Variants in PCGF6 observed in about 807,000 individuals in gnomAD.
The protein encoded by PCGF6 is polycomb group ring finger 6.
Under a neutral mutation model 45.5 loss-of-function variants are expected in PCGF6, and 24 were observed. That is an observed-to-expected ratio of 0.53 (90% CI 0.38 to 0.74). The LOEUF is 0.74. Ranked by LOEUF, PCGF6 falls within the 30% of genes least tolerant of loss-of-function variation. The pLI is 0.00. For missense variants in PCGF6, 356 were observed against 443.2 expected (o/e 0.80, Z 1.77); for synonymous variants, 152 against 162.1 (o/e 0.94, Z 0.47).
chr10:103,325,059 C>CG (rs1237398458), intron 8 of PCGF6, among the ~76,000 whole-genome samples: 2 of 151,132 alleles, frequency 1.3e-5, no homozygotes, highest in Non-Finnish European at 2.9e-5. Flanking sequence ...CGCCTGAACC[C>CG]GGGGGGCGGA....
intron 9 of PCGF6, 60 bp from the exon 10 acceptor site, chr10:103,304,021 T>C: frequency 1.4e-6 from 2 of 1,409,200 alleles, no homozygotes; most frequent in Non-Finnish European, 2.0e-6. Flanking sequence ...ATGCAAATGA[T>C]CAAGTCAAAG....
intron 6 of PCGF6, among the ~76,000 whole-genome samples, chr10:103,339,810 A>AAACACACAC (rs1554865094): frequency 3.1e-5 from 1 of 32,242 alleles, no homozygotes; most frequent in Non-Finnish European, 7.0e-5. Flanking sequence ...TCAAAAAAAA[A>AAACACACAC]ACACACACAC....
At chr10:103,348,123 A>C (rs1277975404) in intron 3 of PCGF6, among the ~76,000 whole-genome samples, 2 of 152,170 alleles carry the variant, frequency 1.3e-5, no homozygotes, top group Non-Finnish European at 2.9e-5. Context: ...CTAAAAAAAC[A>C]GAATTTGGAA....
intron 8 of PCGF6, 144 bp downstream of exon 8, chr10:103,326,388 CAA>C (rs371726949): frequency 0.03 from 7,055 of 235,122 alleles, no homozygotes; most frequent in South Asian, 0.041. Flanking sequence ...GACTCCATCT[CAA>C]AAAAAAAAAA....
At chr10:103,348,037 A>G (rs967545974) in intron 3 of PCGF6, among the ~76,000 whole-genome samples, 2 of 152,188 alleles carry the variant, frequency 1.3e-5, no homozygotes, top group African/African-American at 4.8e-5. Context: ...ATGAACTGGA[A>G]ATTTGAATAA....
chr10:103,323,308 T>C (rs2093204541), intron 8 of PCGF6, among the ~76,000 whole-genome samples: 1 of 152,192 alleles, frequency 6.6e-6, no homozygotes, highest in African/African-American at 2.4e-5. Flanking sequence ...AGTCACTTTT[T>C]TTTTTGAGTT....
intron 9 of PCGF6, among the ~76,000 whole-genome samples, chr10:103,309,533 A>T (rs2093149256): frequency 6.6e-6 from 1 of 152,184 alleles, no homozygotes; most frequent in African/African-American, 2.4e-5. Flanking sequence ...TGAGACAATT[A>T]AATCTGTTTT....
At chr10:103,312,888 G>C (rs1470110505) in intron 9 of PCGF6, among the ~76,000 whole-genome samples, 1 of 152,112 alleles carries the variant, frequency 6.6e-6, no homozygotes, top group Non-Finnish European at 1.5e-5. Context: ...GTGAACCCGG[G>C]AGGCGGAGCT....
rs201702163 is a variant in PCGF6 at position 103,350,983 on chromosome 10, A to C, written c.84T>G (p.Pro28=). The change falls in exon 1 of 10, where the codon CCT becomes CCG. Residue 28 remains proline (P), a synonymous_variant. Coordinates refer to ENST00000369847, the MANE Select transcript of PCGF6 (RefSeq NM_001011663.2). ...CAGGGGTGAGGGCGGGCGGGGAGAC[A>C]GGAGGCGGAGGCGGCAAGGCTGCAG... ...EGAAALPPPP[P]VSPPALTPAP... is the part of the protein sequence containing the mutation. 163 of 1,410,812 alleles carry C rather than the reference A, an allele frequency of 1.2e-4. No homozygotes were observed. Among genetic ancestry groups the C allele is most frequent in the Non-Finnish European group, 1.4e-4 (154 of 1,083,282 alleles). 87.4% of individuals were successfully genotyped at this position (1,410,812 alleles called of 1,614,324 possible). A position where few individuals can be genotyped will look rare whatever the true frequency, so the allele number is the denominator to read the frequency against.
At chr10:103,332,627 G>T (rs2093244063) in intron 7 of PCGF6, among the ~76,000 whole-genome samples, 1 of 152,070 alleles carries the variant, frequency 6.6e-6, no homozygotes, top group South Asian at 2.1e-4. Context: ...TTAAAACTCT[G>T]TTGGACTGAC....
intron 8 of PCGF6, among the ~76,000 whole-genome samples, chr10:103,314,954 T>TAAAAAAAAAA (rs60182387): frequency 1.7e-5 from 1 of 57,182 alleles, no homozygotes; most frequent in Non-Finnish European, 2.9e-5. Flanking sequence ...GACTCTGTCA[T>TAAAAAAAAAA]AAAAAAAAAA....
chr10:103,345,259 T>C, intron 5 of PCGF6, 127 bp from the exon 6 acceptor site: 1 of 661,464 alleles, frequency 1.5e-6, no homozygotes, highest in South Asian at 2.1e-5. Flanking sequence ...TCAATCTCCC[T>C]GTCTTTAATG....
intron 1 of PCGF6, among the ~76,000 whole-genome samples, chr10:103,350,421 C>T (rs866698062): frequency 6.6e-6 from 1 of 152,156 alleles, no homozygotes; most frequent in South Asian, 2.1e-4. Context: ...CCTGGGAGAC[C>T]CTGTCTCAAA....
intron 6 of PCGF6, among the ~76,000 whole-genome samples, chr10:103,342,739 C>G (rs1163368031): frequency 6.6e-6 from 1 of 152,168 alleles, no homozygotes; most frequent in East Asian, 1.9e-4. Context: ...AGTGCATACT[C>G]ATGTATGGGT....
At position 103,339,807 on chromosome 10, in the gene PCGF6, AAAAACACACACACACACACAC is replaced by A. The variant is rs1374832451; in HGVS notation, c.782+5196_782+5216del. 1.2e-3 allele frequency among the ~76,000 whole-genome samples: 54 copies of A among 45,170 alleles called. No homozygotes were observed. The East Asian group carries it at 0.043, about 36-fold the overall frequency. The allele number at this position is 45,170 out of a possible 152,430, so 29.6% of individuals were successfully genotyped here. Reference sequence around the variant, plus strand: ...AGCGAAATTCTGTCTGTCTCAAAAAAAAAACACACACACACACACACACACACACACACACACACACACACA... The same window carrying A: ...AGCGAAATTCTGTCTGTCTCAAAAAAACACACACACACACACACACACACA... On this transcript the variant is annotated intron_variant, in intron 6 of 9. Coordinates refer to ENST00000369847, the MANE Select transcript of PCGF6 (RefSeq NM_001011663.2).
At chr10:103,331,947 C>G (rs939190323) in intron 7 of PCGF6, among the ~76,000 whole-genome samples, 1 of 152,194 alleles carries the variant, frequency 6.6e-6, no homozygotes, top group Non-Finnish European at 1.5e-5. Context: ...CACGCGCCAC[C>G]GCGCCTGGCT....
chr10:103,314,054 TTAAATA>T (rs1456075981), intron 9 of PCGF6, 126 bp downstream of exon 9: 1 of 394,392 alleles, frequency 2.5e-6, no homozygotes, highest in East Asian at 4.0e-5. Context: ...TTGATAAATA[TTAAATA>T]TAATTATTAT....
chr10:103,305,373 C>T (rs1426454021), intron 9 of PCGF6, among the ~76,000 whole-genome samples: 4 of 151,896 alleles, frequency 2.6e-5, no homozygotes. Context: ...CGGGTTCAAG[C>T]GATTCTCCTG....
At chr10:103,316,981 AT>A (rs1337681018) in intron 8 of PCGF6, among the ~76,000 whole-genome samples, 10 of 152,054 alleles carry the variant, frequency 6.6e-5, no homozygotes, top group Admixed American at 1.3e-4. Flanking sequence ...AAGTTAAAGA[AT>A]TTGGTACCAT....
Sources: allele counts gnomAD v4.1 joint callset (sites outside exome capture counted in the v4.1 genomes callset), GRCh38; gene constraint gnomAD v4.1.1; transcripts MANE v1.5; gene names NCBI Gene and HGNC (gene_info 2026-07-23, HGNC 2026-07-21).